Variants in PLEKHA5 observed in about 807,000 individuals in gnomAD.
The protein encoded by PLEKHA5 is pleckstrin homology domain-containing family A member 5.
PLEKHA5 carries 55 observed loss-of-function variants against 181.9 expected under a neutral mutation model. The observed-to-expected ratio is 0.30, with a 90% CI of 0.24 to 0.38. PLEKHA5 has a LOEUF of 0.38. PLEKHA5 is among the 10% of genes least tolerant of loss of function. The probability of loss-of-function intolerance (pLI) is 1.00; values close to 1 mark genes in which losing one functional copy is unlikely to be tolerated. For missense variants in PLEKHA5, 1,432 were observed against 1,549.5 expected (o/e 0.92, Z 1.27); for synonymous variants, 535 against 529.4 (o/e 1.01, Z -0.15).
At chr12:19,263,331 C>T (rs2069139409) in intron 7 of PLEKHA5, among the ~76,000 whole-genome samples, 1 of 152,162 alleles carries the variant, frequency 6.6e-6, no homozygotes, top group Admixed American at 6.5e-5. Flanking sequence ...TACCTCAGGT[C>T]TCACAATTCG....
intron 3 of PLEKHA5, among the ~76,000 whole-genome samples, chr12:19,225,570 A>G (rs2059581180): frequency 6.6e-6 from 1 of 152,166 alleles, no homozygotes; most frequent in Admixed American, 6.5e-5. Flanking sequence ...GAAGAACAAG[A>G]CAGTAGGAAA....
At chr12:19,203,345 A>G (rs1457274565) in intron 3 of PLEKHA5, among the ~76,000 whole-genome samples, 3 of 152,088 alleles carry the variant, frequency 2.0e-5, no homozygotes, top group Admixed American at 6.6e-5. Flanking sequence ...ACTTCTTGCC[A>G]TCTGCTTCCA....
intron 20 of PLEKHA5, among the ~76,000 whole-genome samples, chr12:19,329,857 A>T (rs2092672269): frequency 1.3e-5 from 2 of 152,054 alleles, no homozygotes; most frequent in South Asian, 4.2e-4. Context: ...TAGGCAGATT[A>T]CTTGAGCCCA....
In PLEKHA5 at chr12:19,369,770, C is replaced by T. The variant is rs1196105915; in HGVS notation, c.3832C>T (p.His1278Tyr). 1.2e-6 allele frequency: 2 copies of T among 1,609,396 alleles called. No individual in the cohort carries two copies. The highest frequency in any genetic ancestry group is 1.7e-6 in the Non-Finnish European group (2 of 1,176,254). ...STQPQLTEGS[H>Y]FMCV ...TCAGCCGCAGCTCACAGAAGGATCA[C>T]ATTTCATGTGTGTGTAGTCTTAGAA... The change falls in exon 31 of 32, where the codon CAT becomes TAT. Residue 1278 changes from histidine (H) to tyrosine (Y), a missense_variant. By Grantham distance (83) the His-to-Tyr change is moderately conservative. This residue lies in a region of PLEKHA5 where 1,143 missense variants were observed against 1,168.4 expected (regional missense o/e 0.98). Coordinates refer to ENST00000429027, the MANE Select transcript of PLEKHA5 (RefSeq NM_001256470.2).
chr12:19,148,959 G>A (rs1190589573), intron 3 of PLEKHA5, among the ~76,000 whole-genome samples: 2 of 152,084 alleles, frequency 1.3e-5, no homozygotes, highest in Non-Finnish European at 2.9e-5. Context: ...TCTAAAAGAA[G>A]CTCTAGAAAG....
At chr12:19,190,138 G>GA (rs1268184103) in intron 3 of PLEKHA5, among the ~76,000 whole-genome samples, 7 of 152,170 alleles carry the variant, frequency 4.6e-5, no homozygotes, top group Middle Eastern at 6.8e-3. Flanking sequence ...CCTTTTGAAA[G>GA]AAAAAACCCA....
At chr12:19,313,860 A>G (rs1209095398) in intron 15 of PLEKHA5, among the ~76,000 whole-genome samples, 1 of 152,110 alleles carries the variant, frequency 6.6e-6, no homozygotes, top group Non-Finnish European at 1.5e-5. Flanking sequence ...TTTTTCTTAC[A>G]TTATATTAAT....
intron 10 of PLEKHA5, among the ~76,000 whole-genome samples, chr12:19,271,805 A>T (rs1289083657): frequency 6.6e-6 from 1 of 152,160 alleles, no homozygotes; most frequent in Non-Finnish European, 1.5e-5. Context: ...CGTCTTTGTT[A>T]GTGTAATCTA....
intron 3 of PLEKHA5, among the ~76,000 whole-genome samples, chr12:19,245,578 A>G (rs2063514667): frequency 6.6e-6 from 1 of 151,904 alleles, no homozygotes; most frequent in South Asian, 2.1e-4. Flanking sequence ...AAATACAAAA[A>G]TTAGCCGGGC....
intron 10 of PLEKHA5, among the ~76,000 whole-genome samples, chr12:19,270,582 G>C (rs1433743708): frequency 6.6e-6 from 1 of 151,986 alleles, no homozygotes; most frequent in Non-Finnish European, 1.5e-5. Flanking sequence ...ATTTTTCCCT[G>C]CTTGAAGATA....
intron 3 of PLEKHA5, among the ~76,000 whole-genome samples, chr12:19,187,594 T>C (rs1201871663): frequency 1.3e-5 from 2 of 152,184 alleles, no homozygotes; most frequent in Admixed American, 6.5e-5. Context: ...TTCAGTGACC[T>C]AGCTCAGAGG....
At chr12:19,255,238 T>A in intron 5 of PLEKHA5, 73 bp downstream of exon 5, 1 of 873,450 alleles carries the variant, frequency 1.1e-6, no homozygotes, top group Non-Finnish European at 1.6e-6. Context: ...ATAATGGACT[T>A]AAAAGTATAG....
intron 11 of PLEKHA5, among the ~76,000 whole-genome samples, chr12:19,279,684 T>A (rs2075555859): frequency 6.6e-6 from 1 of 151,032 alleles, no homozygotes; most frequent in Non-Finnish European, 1.5e-5. Context: ...TACATACATA[T>A]ATATATAAAA....
intron 15 of PLEKHA5, among the ~76,000 whole-genome samples, chr12:19,294,585 A>G (rs1033552547): frequency 6.6e-6 from 1 of 152,156 alleles, no homozygotes; most frequent in Non-Finnish European, 1.5e-5. Flanking sequence ...ACCAGCAACA[A>G]AATGTAGTTT....
intron 3 of PLEKHA5, among the ~76,000 whole-genome samples, chr12:19,178,635 G>A (rs2151807061): frequency 6.6e-6 from 1 of 152,296 alleles, no homozygotes; most frequent in South Asian, 2.1e-4. Context: ...AGAGATCCAG[G>A]ATTTTTCTGG....
intron 3 of PLEKHA5, among the ~76,000 whole-genome samples, chr12:19,156,187 C>G (rs1455751880): frequency 4.1e-5 from 6 of 146,154 alleles, no homozygotes; most frequent in Admixed American, 2.9e-4. Context: ...AGGAGCACTT[C>G]CTTGATTTGT....
intron 30 of PLEKHA5, among the ~76,000 whole-genome samples, chr12:19,368,636 T>TA (rs550885171): frequency 1.9e-4 from 29 of 151,800 alleles, no homozygotes; most frequent in African/African-American, 6.5e-4. Context: ...CTACTAAAAA[T>TA]ACAAAATTAG....
At chr12:19,159,901 T>C (rs2151457629) in intron 3 of PLEKHA5, among the ~76,000 whole-genome samples, 1 of 152,272 alleles carries the variant, frequency 6.6e-6, no homozygotes, top group East Asian at 1.9e-4. Flanking sequence ...TGCATAATTA[T>C]ATATAATTGG....
At position 19,348,391 on chromosome 12, in the gene PLEKHA5, C is replaced by G. The variant is rs1476174038; in HGVS notation, c.2899-8C>G. 1 of 1,566,486 alleles carries G rather than the reference C, an allele frequency of 6.4e-7. No homozygotes were observed. Among genetic ancestry groups the G allele is most frequent in the South Asian group, 1.2e-5 (1 of 82,338 alleles). On this transcript the variant is annotated splice_polypyrimidine_tract_variant and splice_region_variant and intron_variant, in intron 24 of 31. Coordinates refer to ENST00000429027, the MANE Select transcript of PLEKHA5 (RefSeq NM_001256470.2). ...TTTTTTAGGGTAATTACATGTCTTC[C>G]TTTCAAGGGTCCAGATTATAGACTC...
Sources: allele counts gnomAD v4.1 joint callset (sites outside exome capture counted in the v4.1 genomes callset), GRCh38; gene constraint gnomAD v4.1.1; regional missense constraint gnomAD v4.1.1; transcripts MANE v1.5; gene names NCBI Gene and HGNC (gene_info 2026-07-23, HGNC 2026-07-21).